The following DLC1 variants were observed in gnomAD, a reference collection of about 807,000 sequenced individuals.
The protein encoded by DLC1 is DLC1 Rho GTPase activating protein.
A neutral mutation model predicts 140.3 loss-of-function variants in DLC1; 54 were observed. The observed-to-expected ratio is 0.38, with a 90% CI of 0.31 to 0.48. The LOEUF is 0.48. DLC1 is among the 20% of genes least tolerant of loss of function. The pLI, the probability that DLC1 is intolerant of heterozygous loss-of-function variation, is 0.96. For synonymous variants in DLC1, 986 were observed against 728.1 expected (o/e 1.35, Z -5.70); for missense variants, 2,536 against 1,907.0 (o/e 1.33, Z -6.14).
At chr8:13,543,088 A>G (rs1803540999) in intron 1 of DLC1, among the ~76,000 whole-genome samples, 1 of 152,150 alleles carries the variant, frequency 6.6e-6, no homozygotes, top group Non-Finnish European at 1.5e-5. Flanking sequence ...ATTAACTATG[A>G]AAAGGGTCAA....
At chr8:13,134,166 A>G (rs1404086657) in intron 5 of DLC1, among the ~76,000 whole-genome samples, 1 of 152,270 alleles carries the variant, frequency 6.6e-6, no homozygotes, top group African/African-American at 2.4e-5. Flanking sequence ...TAGGAAGCCT[A>G]ATGTGAAGGG....
At chr8:13,140,721 A>T (rs890040610) in intron 5 of DLC1, among the ~76,000 whole-genome samples, 10 of 152,060 alleles carry the variant, frequency 6.6e-5, no homozygotes, top group African/African-American at 2.2e-4. Flanking sequence ...GGTCTTACTT[A>T]TTTGTTCTTT....
intron 2 of DLC1, among the ~76,000 whole-genome samples, chr8:13,450,181 C>T (rs1270106141): frequency 6.6e-6 from 1 of 151,766 alleles, no homozygotes; most frequent in African/African-American, 2.4e-5. Flanking sequence ...AGAGGCCAGG[C>T]ATGGTGGCCT....
At chr8:13,377,937 C>A (rs893408657) in intron 4 of DLC1, among the ~76,000 whole-genome samples, 2 of 151,418 alleles carry the variant, frequency 1.3e-5, no homozygotes, top group African/African-American at 2.4e-5. Flanking sequence ...AAGCAAGGTA[C>A]TACTACACTT....
chr8:13,101,495 G>C (rs1313462911), intron 8 of DLC1, among the ~76,000 whole-genome samples: 1 of 152,142 alleles, frequency 6.6e-6, no homozygotes, highest in African/African-American at 2.4e-5. Flanking sequence ...TAAAAAGGTA[G>C]TTTTCAAACA....
At chr8:13,388,947 C>T (rs970991192) in intron 4 of DLC1, among the ~76,000 whole-genome samples, 2 of 151,938 alleles carry the variant, frequency 1.3e-5, no homozygotes, top group African/African-American at 2.4e-5. Flanking sequence ...GATATAATAA[C>T]AGCTCAAGCC....
chr8:13,102,069 C>T (rs1028312157), intron 8 of DLC1, among the ~76,000 whole-genome samples: 1 of 152,192 alleles, frequency 6.6e-6, no homozygotes, highest in African/African-American at 2.4e-5. Context: ...CCCAAGAAGG[C>T]AACTTTTTGC....
intron 5 of DLC1, among the ~76,000 whole-genome samples, chr8:13,284,251 G>T (rs1831463682): frequency 6.6e-6 from 1 of 152,216 alleles, no homozygotes; most frequent in African/African-American, 2.4e-5. Context: ...TAACGGCCTG[G>T]CGCGGTGGCT....
intron 2 of DLC1, among the ~76,000 whole-genome samples, chr8:13,421,271 A>G (rs1838311340): frequency 6.6e-6 from 1 of 152,096 alleles, no homozygotes; most frequent in Admixed American, 6.6e-5. Flanking sequence ...TTATCTCCTC[A>G]AGCAGTTTTT....
chr8:13,176,914 G>A lies in DLC1; in HGVS notation c.1349-61257C>T, dbSNP rs528055866. On this transcript the variant is annotated intron_variant, in intron 5 of 17. Coordinates refer to ENST00000276297, the MANE Select transcript of DLC1 (RefSeq NM_182643.3). ...AGAACTGGCTGTTGCTGGGTTTGAA[G>A]ATGGAGGTGAGCTAAGGATGGTGGG... is the stretch of plus-strand genomic sequence containing the variant. Among the ~76,000 whole-genome samples, 146 of 152,278 alleles carry A rather than the reference G, an allele frequency of 9.6e-4. 4 individuals are homozygous for A. In the South Asian group the frequency reaches 0.029, roughly 31 times the overall value.
At chr8:13,141,272 A>G (rs976852645) in intron 5 of DLC1, among the ~76,000 whole-genome samples, 3 of 150,134 alleles carry the variant, frequency 2.0e-5, no homozygotes, top group Non-Finnish European at 4.4e-5. Context: ...AAAAAAAAAA[A>G]AAAAAAAAAA....
At chr8:13,165,246 T>G (rs1249450138) in intron 5 of DLC1, among the ~76,000 whole-genome samples, 1 of 152,178 alleles carries the variant, frequency 6.6e-6, no homozygotes, top group Non-Finnish European at 1.5e-5. Flanking sequence ...GATCTAGCAA[T>G]CCCACTTTAT....
At chr8:13,400,072 G>C (rs1837227114) in intron 3 of DLC1, among the ~76,000 whole-genome samples, 1 of 152,176 alleles carries the variant, frequency 6.6e-6, no homozygotes, top group East Asian at 1.9e-4. Flanking sequence ...AAAATTTGAT[G>C]GTGAAAGAAT....
At chr8:13,484,249 G>A (rs28428173) in intron 2 of DLC1, among the ~76,000 whole-genome samples, 3,166 of 152,264 alleles carry the variant, frequency 0.021, 103 homozygotes, top group African/African-American at 0.072. Flanking sequence ...AGATCATGAA[G>A]ATGTAAAATT....
At chr8:13,402,668 G>A (rs890390110) in intron 2 of DLC1, among the ~76,000 whole-genome samples, 6 of 152,230 alleles carry the variant, frequency 3.9e-5, no homozygotes, top group African/African-American at 1.4e-4. Context: ...CATCTTGACA[G>A]AAGCCTGAGG....
intron 4 of DLC1, among the ~76,000 whole-genome samples, chr8:13,383,011 G>C (rs901391229): frequency 4.6e-5 from 7 of 152,144 alleles, no homozygotes; most frequent in African/African-American, 1.7e-4. Flanking sequence ...CCTATAGCTT[G>C]GCTCAAAAGT....
chr8:13,088,031 G>A (rs1401636157), intron 16 of DLC1, among the ~76,000 whole-genome samples: 1 of 152,166 alleles, frequency 6.6e-6, no homozygotes, highest in Non-Finnish European at 1.5e-5. Context: ...AATAAATGTA[G>A]ATCTGTTTTC....
chr8:13,131,629 T>C (rs1222898697), intron 5 of DLC1, among the ~76,000 whole-genome samples: 2 of 152,152 alleles, frequency 1.3e-5, no homozygotes, highest in East Asian at 3.9e-4. Context: ...CCTTCTGCGG[T>C]GATTAGCACA....
At chr8:13,365,638 C>T (rs1835444666) in intron 4 of DLC1, among the ~76,000 whole-genome samples, 3 of 152,106 alleles carry the variant, frequency 2.0e-5, no homozygotes, top group Admixed American at 1.3e-4. Flanking sequence ...CTGAGCGAGC[C>T]GTGGTGAGAC....
Sources: allele counts gnomAD v4.1 joint callset (sites outside exome capture counted in the v4.1 genomes callset), GRCh38; gene constraint gnomAD v4.1.1; transcripts MANE v1.5; gene names NCBI Gene and HGNC (gene_info 2026-07-23, HGNC 2026-07-21).